The following ICE2 variants were observed in gnomAD, a reference collection of about 807,000 sequenced individuals.
The protein encoded by ICE2 is interactor of little elongation complex ELL subunit 2.
ICE2 carries 87 observed loss-of-function variants against 105.4 expected under a neutral mutation model. That is an observed-to-expected ratio of 0.83 (90% CI 0.69 to 0.99). ICE2 has a LOEUF of 0.99. Among genes scored for constraint, ICE2 ranks in the 50% least tolerant of loss-of-function variants. ICE2 has a pLI of 0.00. For synonymous variants in ICE2, 399 were observed against 392.0 expected, an observed-to-expected ratio of 1.02 and a Z score of -0.21; for missense variants, 1,323 against 1,146.7, an observed-to-expected ratio of 1.15 and a Z score of -2.22.
chr15:60,433,487 CCTCT>C (rs1245977410), intron 13 of ICE2, among the ~76,000 whole-genome samples: 3 of 151,488 alleles, frequency 2.0e-5, no homozygotes, highest in Admixed American at 1.3e-4. Flanking sequence ...TCTCTCCCTC[CCTCT>C]CTTTATTTTT....
intron 3 of ICE2, among the ~76,000 whole-genome samples, chr15:60,473,124 G>A (rs2064653486): frequency 2.0e-5 from 3 of 152,022 alleles, no homozygotes; most frequent in African/African-American, 7.2e-5. Context: ...TAAATTATGT[G>A]TAGAGACAAG....
In ICE2 at chr15:60,448,244, T is replaced by G. The variant is rs1436615680; in HGVS notation, c.2120-99A>C. The G allele has an allele frequency of 2.6e-5, 19 of 737,804 alleles. No individual in the cohort carries two copies. In the Admixed American group the frequency reaches 5.8e-4, roughly 23 times the overall value. 45.7% of individuals were successfully genotyped at this position (737,804 alleles called of 1,614,324 possible). ...ATTAACTATTTTAAAACTTCTATCA[T>G]CTTTAATTTTCTACTTCTCTGCCTA... On this transcript the variant is annotated intron_variant, in intron 10 of 15. Transcript: ENST00000261520.
intron 12 of ICE2, chr15:60,438,174 C>T (rs943865242): frequency 2.6e-5 from 4 of 152,066 alleles, no homozygotes; most frequent in African/African-American, 4.8e-5. Flanking sequence ...ACACAAAAAT[C>T]GTATGTATTG....
chr15:60,448,806 A>ATTT (rs748353267), intron 10 of ICE2, 42 bp downstream of exon 10: 1 of 1,510,624 alleles, frequency 6.6e-7, no homozygotes, highest in Non-Finnish European at 8.9e-7. Context: ...AAGGAAAAAG[A>ATTT]ACAAGTAAAA....
At position 60,466,651 on chromosome 15, in the gene ICE2, T is replaced by C. The variant is rs1595813505; in HGVS notation, c.471A>G (p.Ala157=). 5 of 1,611,428 alleles carry C rather than the reference T, an allele frequency of 3.1e-6. No individual in the cohort carries two copies. The Middle Eastern group carries it at 5.0e-4, about 162-fold the overall frequency. ...TEFLKFLQNS[A]KKCAQDYNML... ...TATTATAATCCTGCGCACATTTCTT[T>C]GCAGAATTCTGCAAAAACTTTAGGA... The change falls in exon 5 of 16, where the codon GCA becomes GCG. Residue 157 remains alanine (A), a synonymous_variant. Transcript: ENST00000261520.
At chr15:60,465,269 G>A (rs1216250456) in intron 5 of ICE2, among the ~76,000 whole-genome samples, 3 of 151,806 alleles carry the variant, frequency 2.0e-5, no homozygotes, top group African/African-American at 7.3e-5. Flanking sequence ...AAGGCTCACT[G>A]CAGCCTCCAC....
At chr15:60,442,334 A>T in intron 12 of ICE2, 82 bp downstream of exon 12, 5 of 1,278,956 alleles carry the variant, frequency 3.9e-6, no homozygotes, top group Non-Finnish European at 5.5e-6. Context: ...AAAGGGCAGA[A>T]TAGAAGTATT....
chr15:60,467,191 G>C (rs886140138), intron 4 of ICE2, among the ~76,000 whole-genome samples: 2 of 152,120 alleles, frequency 1.3e-5, no homozygotes, highest in African/African-American at 4.8e-5. Context: ...TTGAACTCCT[G>C]ATCTCAGGTG....
chr15:60,453,604 T>C lies in ICE2; in HGVS notation c.1124A>G (p.Asp375Gly). 1 of 1,613,042 alleles carries C rather than the reference T, an allele frequency of 6.2e-7. No individual in the cohort carries two copies. Among genetic ancestry groups the C allele is most frequent in the Non-Finnish European group, 8.5e-7 (1 of 1,179,434 alleles). The change falls in exon 9 of 16, where the codon GAC becomes GGC. Residue 375 changes from aspartate (D) to glycine (G), a missense_variant and splice_region_variant. By Grantham distance (94) the Asp-to-Gly change is moderately conservative. Transcript: ENST00000261520. ...DKPEEFISEM[D>G]MSCEVNECRK... Reference sequence around the variant, plus strand: ...GGGGAAAAAAAAAGCATTACATACGTCCATTTCAGATATAAACTCTTCAGG... The same window carrying C: ...GGGGAAAAAAAAAGCATTACATACGCCCATTTCAGATATAAACTCTTCAGG...
At chr15:60,453,572 C>T (rs1280838966) in intron 9 of ICE2, 31 bp downstream of exon 9, 2 of 1,606,002 alleles carry the variant, frequency 1.2e-6, no homozygotes, top group Non-Finnish European at 1.7e-6. Context: ...CAAGTACATT[C>T]CCCTTAGGGG....
At chr15:60,457,617 G>A (rs982673888) in intron 5 of ICE2, among the ~76,000 whole-genome samples, 2 of 151,948 alleles carry the variant, frequency 1.3e-5, no homozygotes, top group East Asian at 1.9e-4. Flanking sequence ...AATGTGTCAC[G>A]TTACAAATCA....
chr15:60,436,047 T>C (rs34160342), intron 13 of ICE2, 96 bp downstream of exon 13: 64,603 of 526,986 alleles, frequency 0.12, 4,494 homozygotes, highest in Middle Eastern at 0.23. Context: ...AGACTAAAAG[T>C]CTTGAAAATA....
At chr15:60,442,770 A>G in intron 11 of ICE2, 1 of 341,656 alleles carries the variant, frequency 2.9e-6, no homozygotes, top group Non-Finnish European at 5.2e-6. Flanking sequence ...TCTCCTCACC[A>G]TTCCCATTTG....
At chr15:60,463,616 C>T (rs2054031) in intron 5 of ICE2, among the ~76,000 whole-genome samples, 100,419 of 152,018 alleles carry the variant, frequency 0.66, 34,509 homozygotes, top group East Asian at 0.93. Flanking sequence ...CTACTAAAAA[C>T]ACAAAAATTA....
chr15:60,478,629 C>G (rs1259343618), intron 1 of ICE2: 1 of 327,414 alleles, frequency 3.1e-6, no homozygotes, highest in African/African-American at 2.2e-5. Context: ...TCCTGTGACC[C>G]CAGGCAGACT....
At chr15:60,467,152 G>C (rs1471194691) in intron 4 of ICE2, among the ~76,000 whole-genome samples, 1 of 152,098 alleles carries the variant, frequency 6.6e-6, no homozygotes, top group East Asian at 1.9e-4. Flanking sequence ...TAGTAGAGAT[G>C]GGGTTTCGCC....
At position 60,421,499 on chromosome 15, in the gene ICE2, G is replaced by A. The variant is rs2063242200; in HGVS notation, c.*2135C>T. On this transcript the variant is annotated 3_prime_UTR_variant, in exon 16 of 16. Coordinates refer to ENST00000261520, the MANE Select transcript of ICE2 (RefSeq NM_024611.6). ...CAAGCAAAAAACTACCTTTATATAT[G>A]ATGTTATTCAAATACATGGATAAGA... 6.6e-6 allele frequency: 1 copy of A among 152,146 alleles called. No individual in the cohort carries two copies. The highest frequency in any genetic ancestry group is 1.5e-5 in the Non-Finnish European group (1 of 68,006). 9.4% of individuals were successfully genotyped at this position (152,146 alleles called of 1,614,324 possible). A position where few individuals can be genotyped will look rare whatever the true frequency, so the allele number is the denominator to read the frequency against.
At chr15:60,461,077 C>G (rs573407408) in intron 5 of ICE2, among the ~76,000 whole-genome samples, 1 of 148,124 alleles carries the variant, frequency 6.8e-6, no homozygotes, top group East Asian at 2.0e-4. Flanking sequence ...CCAAAAATGT[C>G]TCACCGTCAA....
chr15:60,456,420 T>C (rs1318789039), intron 6 of ICE2, among the ~76,000 whole-genome samples: 1 of 149,540 alleles, frequency 6.7e-6, no homozygotes, highest in African/African-American at 2.4e-5. Flanking sequence ...GGCAGGCGCC[T>C]GTAATTCCAG....
Sources: allele counts gnomAD v4.1 joint callset (sites outside exome capture counted in the v4.1 genomes callset), GRCh38; gene constraint gnomAD v4.1.1; transcripts MANE v1.5; gene names NCBI Gene and HGNC (gene_info 2026-07-23, HGNC 2026-07-21).